DBR1: variants seen among roughly 807,000 people sequenced by gnomAD.
DBR1 encodes the protein debranching RNA lariats 1, also known as lariat debranching enzyme.
DBR1 carries 33 observed loss-of-function variants against 45.9 expected under a neutral mutation model. The ratio of observed to expected loss-of-function variants is 0.72; its 90% CI spans 0.55 to 0.96. The LOEUF (loss-of-function observed/expected upper bound fraction) is 0.96. DBR1 is among the 40% of genes least tolerant of loss of function. The pLI, the probability that DBR1 is intolerant of heterozygous loss-of-function variation, is 0.00. For synonymous variants in DBR1, 235 were observed against 235.9 expected (o/e 1.00, Z 0.04); for missense variants, 619 against 667.4 (o/e 0.93, Z 0.80).
intron 3 of DBR1, 86 bp downstream of exon 3, chr3:138,171,547 T>A: frequency 3.0e-6 from 2 of 668,982 alleles, no homozygotes; most frequent in South Asian, 1.9e-5. Context: ...TACAAAGATA[T>A]ATGAAAGAGT....
At chr3:138,171,793 G>T in intron 2 of DBR1, 80 bp from the exon 3 acceptor site, 2 of 1,021,100 alleles carry the variant, frequency 2.0e-6, no homozygotes, top group Non-Finnish European at 3.1e-6. Context: ...CATTTAGATG[G>T]AATTCCACAC....
Position 138,174,705 on chromosome 3 carries a change from C to T in DBR1, c.91G>A (p.Val31Ile). ...ALAERRGPGPVDLLLCCGDFQ... is the reference protein window; with the variant it reads ...ALAERRGPGPIDLLLCCGDFQ... ...TCGCCGCAGCACAGCAAGAGGTCGA[C>T]AGGCCCCGGGCCGCGCCGCTCTGCC... The change falls in exon 1 of 8, where the codon GTC becomes ATC. Residue 31 changes from valine to isoleucine, a missense_variant. Around this residue, in one of 3 missense-constraint regions of DBR1, gnomAD observed 430 missense variants for 447.7 expected, o/e 0.96. Transcript: ENST00000260803. 1.2e-6 allele frequency: 2 copies of T among 1,612,848 alleles called. No individual in the cohort carries two copies. Among genetic ancestry groups the T allele is most frequent in the Middle Eastern group, 1.7e-4 (1 of 6,050 alleles).
intron 4 of DBR1, 108 bp from the exon 5 acceptor site, chr3:138,167,413 C>T (rs2042935543): frequency 8.0e-6 from 6 of 754,404 alleles, no homozygotes; most frequent in Non-Finnish European, 8.6e-6. Context: ...ACTGAGATCT[C>T]TAGAATTCTG....
At chr3:138,163,908 G>C (rs774373355) in intron 5 of DBR1, 50 bp from the exon 6 acceptor site, 2 of 1,335,988 alleles carry the variant, frequency 1.5e-6, no homozygotes, top group Non-Finnish European at 2.2e-6. Flanking sequence ...ACAACCACAG[G>C]TAATTCTTCA....
At chr3:138,171,502 C>CAAAAAAAAAAAAAAAAAAAAA (rs2042954743) in intron 3 of DBR1, 131 bp downstream of exon 3, 2 of 188,998 alleles carry the variant, frequency 1.1e-5, no homozygotes, top group African/African-American at 3.1e-5. Flanking sequence ...AAAAAAAAAG[C>CAAAAAAAAAAAAAAAAAAAAA]AAAATACTAA....
In DBR1 at chr3:138,174,871, G is replaced by A. The variant is rs1008195618; in HGVS notation, c.-76C>T. ...CAGCCCAGGACCGACTGATCGCTCA[G>A]CTCCCGCCAACTTTAATAAGTATAG... On this transcript the variant is annotated 5_prime_UTR_variant, in exon 1 of 8. Transcript: ENST00000260803. The A allele has an allele frequency of 7.0e-6, 10 of 1,431,024 alleles. No individual in the cohort carries two copies. The Admixed American group carries it at 8.7e-5, about 12-fold the overall frequency. 88.6% of individuals were successfully genotyped at this position (1,431,024 alleles called of 1,614,324 possible).
chr3:138,170,149 A>G lies in DBR1; in HGVS notation c.447T>C (p.Ser149=), dbSNP rs1275314751. ...CPPYNSSTIR[S]IYHVRNIEVY... ...CTTCAATATTTCTCACATGATATAT[A>G]CTCCTGATTGTAGATGAATTATAAG... The change falls in exon 4 of 8, where the codon AGT becomes AGC. Residue 149 remains serine, a synonymous_variant. Coordinates refer to ENST00000260803, the MANE Select transcript of DBR1 (RefSeq NM_016216.4). 6.2e-7 allele frequency: 1 copy of G among 1,601,172 alleles called. No individual in the cohort carries two copies. Among genetic ancestry groups the G allele is most frequent in the Admixed American group, 1.7e-5 (1 of 58,858 alleles).
In DBR1 at chr3:138,174,662, T is replaced by C. The variant is rs538874611; in HGVS notation, c.134A>G (p.Asn45Ser). 6.2e-7 allele frequency: 1 copy of C among 1,610,062 alleles called. No homozygotes were observed. Among genetic ancestry groups the C allele is most frequent in the African/African-American group, 1.3e-5 (1 of 74,844 alleles). The change falls in exon 1 of 8, where the codon AAC becomes AGC. Residue 45 changes from asparagine to serine, a missense_variant. This residue lies in a region of DBR1 where 430 missense variants were observed against 447.7 expected (regional missense o/e 0.96). Coordinates refer to ENST00000260803, the MANE Select transcript of DBR1 (RefSeq NM_016216.4). ...GGCCATGCAGCGTAGATCCGCCTCG[T>C]TGCGCACCGCCTGGAAGTCGCCGCA... ...LCCGDFQAVRNEADLRCMAVP... is the reference protein window; with the variant it reads ...LCCGDFQAVRSEADLRCMAVP...
At chr3:138,165,674 A>G (rs1443589847) in intron 5 of DBR1, among the ~76,000 whole-genome samples, 1 of 151,912 alleles carries the variant, frequency 6.6e-6, no homozygotes. Context: ...GCTTGCAGTG[A>G]GTGGAGATCG....
At chr3:138,169,873 C>T (rs1289481264) in intron 4 of DBR1, among the ~76,000 whole-genome samples, 1 of 151,756 alleles carries the variant, frequency 6.6e-6, no homozygotes, top group Non-Finnish European at 1.5e-5. Context: ...GCGGAGGTTG[C>T]AGTGAGCCGA....
intron 6 of DBR1, 76 bp downstream of exon 6, chr3:138,163,702 T>C: frequency 8.9e-7 from 1 of 1,125,462 alleles, no homozygotes; most frequent in South Asian, 2.4e-5. Flanking sequence ...ACAAAAAAAT[T>C]CCGAAAGGAA....
chr3:138,162,168 T>C lies in DBR1; in HGVS notation c.1356A>G (p.Val452=). Residue 452 remains valine, a synonymous_variant, in exon 8 of 8, where the codon GTA becomes GTG. Coordinates refer to ENST00000260803, the MANE Select transcript of DBR1 (RefSeq NM_016216.4). ...ACTCAGAAGCTTGATCAGAAGGTTC[T>C]ACCGATGGTGTATTCATGCCACTAT... The part of the protein sequence containing the change: ...SAHSGMNTPS[V]EPSDQASEFS... The C allele has an allele frequency of 6.2e-7, 1 of 1,614,224 alleles. No individual in the cohort carries two copies. The highest frequency in any genetic ancestry group is 8.5e-7 in the Non-Finnish European group (1 of 1,180,046).
chr3:138,172,911 G>A (rs1286037059), intron 2 of DBR1, among the ~76,000 whole-genome samples: 2 of 152,052 alleles, frequency 1.3e-5, no homozygotes, highest in Non-Finnish European at 2.9e-5. Flanking sequence ...ACATTAAGCA[G>A]GGAAATCTGA....
chr3:138,169,999 A>T, intron 4 of DBR1, 108 bp downstream of exon 4: 1 of 714,432 alleles, frequency 1.4e-6, no homozygotes, highest in Non-Finnish European at 2.4e-6. Flanking sequence ...TTTTAAAAAT[A>T]CAGAATTGCT....
At chr3:138,163,641 A>AT in intron 6 of DBR1, 137 bp downstream of exon 6, 1 of 706,656 alleles carries the variant, frequency 1.4e-6, no homozygotes, top group Non-Finnish European at 2.0e-6. Flanking sequence ...TTTTAAATTA[A>AT]TAAGTAAGAT....
chr3:138,168,750 A>G (rs2042941624), intron 4 of DBR1, among the ~76,000 whole-genome samples: 1 of 152,076 alleles, frequency 6.6e-6, no homozygotes, highest in African/African-American at 2.4e-5. Flanking sequence ...TGAGTTCAAG[A>G]GTTTGAGACC....
At position 138,173,651 on chromosome 3, in the gene DBR1, T is replaced by C. The variant is rs765684826; in HGVS notation, c.198-25A>G. On this transcript the variant is annotated intron_variant, in intron 1 of 7. Transcript: ENST00000260803. Reference sequence around the variant, plus strand: ...CCTAGAACATAAGAGCAAAGTCAGTTACCACAATTAGGCATAGCAGAAAAG... The same window carrying C: ...CCTAGAACATAAGAGCAAAGTCAGTCACCACAATTAGGCATAGCAGAAAAG... 20 of 1,598,554 alleles carry C rather than the reference T, an allele frequency of 1.3e-5. No individual in the cohort carries two copies. In the South Asian group the frequency reaches 2.2e-4, roughly 17 times the overall value.
rs376184862 is a variant in DBR1 at position 138,170,102 on chromosome 3, C to T, written c.489+5G>A. 88 of 1,534,858 alleles carry T rather than the reference C, an allele frequency of 5.7e-5. No individual in the cohort carries two copies. Among genetic ancestry groups the T allele is most frequent in the Non-Finnish European group, 6.2e-5 (69 of 1,115,624 alleles). ...CAAGTCTGCTGTAATGCGCTTTTTA[C>T]GTACCTGTTTTAATTTATAGACTTC... On this transcript the variant is annotated splice_donor_5th_base_variant and intron_variant, in intron 4 of 7. Transcript: ENST00000260803.
chr3:138,171,842 G>A (rs1362820211), intron 2 of DBR1, 129 bp from the exon 3 acceptor site: 1 of 688,230 alleles, frequency 1.5e-6, no homozygotes, highest in Non-Finnish European at 2.5e-6. Flanking sequence ...CCATGATGAG[G>A]TTATGCTTTT....
Sources: allele counts gnomAD v4.1 joint callset (sites outside exome capture counted in the v4.1 genomes callset), GRCh38; gene constraint gnomAD v4.1.1; regional missense constraint gnomAD v4.1.1; transcripts MANE v1.5; gene names NCBI Gene and HGNC (gene_info 2026-07-23, HGNC 2026-07-21).